MLLT6: variants seen among roughly 807,000 people sequenced by gnomAD.
MLLT6 encodes the protein protein AF-17.
A neutral mutation model predicts 103.0 loss-of-function variants in MLLT6; 22 were observed. That is an observed-to-expected ratio of 0.21 (90% CI 0.15 to 0.31). The LOEUF is 0.31. Ranked by LOEUF, MLLT6 falls within the 10% of genes least tolerant of loss-of-function variation. The probability of loss-of-function intolerance (pLI) is 1.00; values close to 1 mark genes in which losing one functional copy is unlikely to be tolerated. For missense variants in MLLT6, 1,199 were observed against 1,441.7 expected, an observed-to-expected ratio of 0.83 and a Z score of 2.73; for synonymous variants, 606 against 623.5, an observed-to-expected ratio of 0.97 and a Z score of 0.42.
chr17:38,716,813 G>T lies in MLLT6; in HGVS notation c.1483G>T (p.Ala495Ser). 6.2e-7 allele frequency: 1 copy of T among 1,612,076 alleles called. No individual in the cohort carries two copies. Among genetic ancestry groups the T allele is most frequent in the Non-Finnish European group, 8.5e-7 (1 of 1,179,058 alleles). Residue 495 changes from alanine to serine, a missense_variant, in exon 10 of 20, where the codon GCC (alanine) becomes TCC (serine). Ala to Ser is a moderately conservative substitution (Grantham distance 99, BLOSUM62 1). This residue lies in a region of MLLT6 where 1,034 missense variants were observed against 1,091.5 expected (regional missense o/e 0.95). Coordinates refer to ENST00000621332, the MANE Select transcript of MLLT6 (RefSeq NM_005937.4). The surrounding 1 kb of genome is among the most constrained non-coding windows in gnomAD (Gnocchi z 5.6). ...RNKEGTGGPA[A>S]PSLPSAQLAG... ...CAAGGAGGGCACTGGGGGCCCAGCT[G>T]CCCCATCCTTGCCCAGTGCCCAGCT... is the stretch of plus-strand genomic sequence containing the variant.
chr17:38,718,489 A>C (rs754212270), intron 12 of MLLT6: 1 of 152,350 alleles, frequency 6.6e-6, no homozygotes, highest in African/African-American at 2.4e-5. Flanking sequence ...AAATCCACAC[A>C]CAGCAAACCA....
chr17:38,707,925 C>T (rs1480379401), intron 4 of MLLT6, 53 bp downstream of exon 4: 13 of 1,072,162 alleles, frequency 1.2e-5, no homozygotes, highest in Non-Finnish European at 1.0e-5. Flanking sequence ...CTATGGGTTC[C>T]TCCAACGCTC....
rs753868011 is a variant in MLLT6, at chr17:38,707,047, C to G, written c.189+18C>G. The G allele has an allele frequency of 1.3e-6, 2 of 1,599,938 alleles. No individual in the cohort carries two copies. The highest frequency in any genetic ancestry group is 2.2e-5 in the South Asian group (2 of 90,482). ...CCAGGGTGGTGAGTTCCAGACTGCC[C>G]CTCTCCACTCCCCTGCCCCTCCCAC... On this transcript the variant is annotated intron_variant, in intron 2 of 19. Transcript: ENST00000621332.
At chr17:38,718,975 A>G (rs1188996282) in intron 12 of MLLT6, 3 of 169,024 alleles carry the variant, frequency 1.8e-5, no homozygotes, top group Admixed American at 6.4e-5. Context: ...GGCCCAAGGA[A>G]GAGTTTTAGT....
chr17:38,729,795 AT>A, downstream of MLLT6: 1 of 181,784 alleles, frequency 5.5e-6, no homozygotes. Context: ...AAAAAAAAAA[AT>A]CCGAAGAGCC....
Position 38,716,507 on chromosome 17 carries a change from C to A in MLLT6, c.1177C>A (p.Leu393Ile). ...AGCTCCCGAGCCCCCCAAGGCTGAC[C>A]TTTTTGAGCAGAAGGTGGTCTTCTC... ...PSAPEPPKAD[L>I]FEQKVVFSGF... Residue 393 changes from leucine (L) to isoleucine (I), a missense_variant, in exon 10 of 20, where the codon CTT (leucine) becomes ATT (isoleucine). Physicochemically the swap from Leu to Ile is conservative, Grantham distance 5. This residue lies in a region of MLLT6 where 1,034 missense variants were observed against 1,091.5 expected (regional missense o/e 0.95). Transcript: ENST00000621332. The surrounding 1 kb of genome is among the most constrained non-coding windows in gnomAD (Gnocchi z 5.6). 3 of 1,614,202 alleles carry A rather than the reference C, an allele frequency of 1.9e-6. No homozygotes were observed. Among genetic ancestry groups the A allele is most frequent in the South Asian group, 1.1e-5 (1 of 91,084 alleles).
In MLLT6 at chr17:38,728,277, A is replaced by G. The variant is rs1457502769; in HGVS notation, c.*2679A>G. Reference sequence around the variant, plus strand: ...AAGCTTCAGGAGGAGCAGAATACCAACGCAGGGGGATGGCTGTAACGATCT... The same window carrying G: ...AAGCTTCAGGAGGAGCAGAATACCAGCGCAGGGGGATGGCTGTAACGATCT... On this transcript the variant is annotated 3_prime_UTR_variant, in exon 20 of 20. Coordinates refer to ENST00000621332, the MANE Select transcript of MLLT6 (RefSeq NM_005937.4). 8.6e-6 allele frequency: 2 copies of G among 233,216 alleles called. No individual in the cohort carries two copies. Among genetic ancestry groups the G allele is most frequent in the African/African-American group, 4.4e-5 (2 of 45,340 alleles). 14.4% of individuals were successfully genotyped at this position (233,216 alleles called of 1,614,324 possible).
chr17:38,705,440 G>A lies in MLLT6; in HGVS notation c.-193G>A, dbSNP rs1215112768. The stretch of plus-strand genomic sequence containing the variant: ...GCACGGCGGGGGGGGCGGCCAGACA[G>A]AGCGAGCGAGGAGGAGGAGGAGGAG... On this transcript the variant is annotated 5_prime_UTR_variant, in exon 1 of 20. Transcript: ENST00000621332. 2 of 416,418 alleles carry A rather than the reference G, an allele frequency of 4.8e-6. No homozygotes were observed. Among genetic ancestry groups the A allele is most frequent in the African/African-American group, 2.1e-5 (1 of 46,658 alleles). 25.8% of individuals were successfully genotyped at this position (416,418 alleles called of 1,614,324 possible). A position where few individuals can be genotyped will look rare whatever the true frequency, so the allele number is the denominator to read the frequency against.
chr17:38,727,748 TTGTGCCAC>T lies in MLLT6; in HGVS notation c.*2153_*2160del, dbSNP rs1209013665. ...AGGCTGAGGCTGCAGTGAGCCAAGA[TTGTGCCAC>T]TGCACTCCAGCCTGTGTGAGAGAGT... On this transcript the variant is annotated 3_prime_UTR_variant, in exon 20 of 20. Transcript: ENST00000621332. The T allele has an allele frequency of 4.7e-6, 1 of 213,738 alleles. No homozygotes were observed. Among genetic ancestry groups the T allele is most frequent in the African/African-American group, 2.3e-5 (1 of 44,252 alleles). The allele number at this position is 213,738 out of a possible 1,614,324, so 13.2% of individuals were successfully genotyped here. A position where few individuals can be genotyped will look rare whatever the true frequency, so the allele number is the denominator to read the frequency against.
intron 18 of MLLT6, 150 bp downstream of exon 18, chr17:38,722,918 T>A (rs942562256): frequency 1.5e-6 from 1 of 649,618 alleles, no homozygotes; most frequent in Non-Finnish European, 2.8e-6. Context: ...CTGGGCCCTG[T>A]GGAGCATCCA....
At position 38,722,081 on chromosome 17, in the gene MLLT6, G is replaced by C; in HGVS notation, c.2646G>C (p.Glu882Asp). The change falls in exon 17 of 20, where the codon GAG becomes GAC. Residue 882 changes from glutamate to aspartate, a missense_variant. Glu to Asp is a conservative substitution (Grantham distance 45, BLOSUM62 2). This residue lies in a region of MLLT6 where 1,034 missense variants were observed against 1,091.5 expected (regional missense o/e 0.95). Transcript: ENST00000621332. ...AAGLGAMPMA[E>D]GLLGGLAGSG... ...GGCTGGGGGCCATGCCCATGGCTGA[G>C]GGGCTGTTGGGGGGGCTGGCAGGCA... 1 of 1,373,866 alleles carries C rather than the reference G, an allele frequency of 7.3e-7. No homozygotes were observed. The highest frequency in any genetic ancestry group is 3.0e-5 in the East Asian group (1 of 33,198). 85.1% of individuals were successfully genotyped at this position (1,373,866 alleles called of 1,614,324 possible). A position where few individuals can be genotyped will look rare whatever the true frequency, so the allele number is the denominator to read the frequency against.
At chr17:38,720,300 G>GCCCCCCCCCCCCGGCCCCAGGGCCCCCCC in intron 14 of MLLT6, 72 bp from the exon 15 acceptor site, 1 of 726,392 alleles carries the variant, frequency 1.4e-6, no homozygotes, top group Non-Finnish European at 2.2e-6. Flanking sequence ...TCCCCTCCAG[G>GCCCCCCCCCCCCGGCCCCAGGGCCCCCCC]CCCCGCCCCC....
At chr17:38,710,263 G>T (rs1191921446) in intron 6 of MLLT6, among the ~76,000 whole-genome samples, 1 of 152,150 alleles carries the variant, frequency 6.6e-6, no homozygotes, top group Non-Finnish European at 1.5e-5. Flanking sequence ...GCTTGCCTCT[G>T]CCCCAGGCTT....
Position 38,709,684 on chromosome 17 carries a change from G to GA in MLLT6, c.552+115dup. Reference sequence around the variant, plus strand: ...GCCTGGTGCTAGGAGGACAGAGAGGGAAAAAACCCAGTCCCTGCCCAAGAG... The same window carrying GA: ...GCCTGGTGCTAGGAGGACAGAGAGGGAAAAAAACCCAGTCCCTGCCCAAGAG... On this transcript the variant is annotated intron_variant, in intron 6 of 19. Transcript: ENST00000621332. This position sits in a 1 kb window ranked among gnomAD's most constrained non-coding sequence, Gnocchi z 4.3. 1 of 810,564 alleles carries GA rather than the reference G, an allele frequency of 1.2e-6. No individual in the cohort carries two copies. The allele number at this position is 810,564 out of a possible 1,614,324, so 50.2% of individuals were successfully genotyped here.
Position 38,716,947 on chromosome 17 carries a change from C to G in MLLT6, c.1617C>G (p.Pro539=). The G allele has an allele frequency of 6.2e-7, 1 of 1,613,746 alleles. No homozygotes were observed. The highest frequency in any genetic ancestry group is 8.5e-7 in the Non-Finnish European group (1 of 1,179,990). The change falls in exon 10 of 20, where the codon CCC becomes CCG. Residue 539 remains proline, a synonymous_variant. Transcript: ENST00000621332. The surrounding 1 kb of genome is among the most constrained non-coding windows in gnomAD (Gnocchi z 5.6). ...CCTTTGGGCCTTCTGGGAGCTTGCC[C>G]AGCTTGAGCCTGGAGTCCCCCTTAC... The part of the protein sequence containing the change: ...SRTFGPSGSL[P]SLSLESPLLG...
At position 38,725,687 on chromosome 17, in the gene MLLT6, G is replaced by C. The variant is rs1031896923; in HGVS notation, c.*89G>C. The C allele has an allele frequency of 3.5e-6, 4 of 1,148,590 alleles. No individual in the cohort carries two copies. In the Admixed American group the frequency reaches 8.5e-5, roughly 24 times the overall value. 71.1% of individuals were successfully genotyped at this position (1,148,590 alleles called of 1,614,324 possible). On this transcript the variant is annotated 3_prime_UTR_variant, in exon 20 of 20. Transcript: ENST00000621332. ...AGCCTGGAGCAGGCGCCTGCGCCCA[G>C]ACCCTGGAGAGCCTTGACCCAGAGC...
intron 12 of MLLT6, 93 bp from the exon 13 acceptor site, chr17:38,719,424 C>T: frequency 3.7e-6 from 4 of 1,088,386 alleles, no homozygotes; most frequent in Non-Finnish European, 4.1e-6. Flanking sequence ...AAGGGATCTG[C>T]GGTGAGGTCC....
Position 38,709,309 on chromosome 17 carries a change from G to A in MLLT6, c.458+33G>A. ...CCCTGTCCCACCCCCCTGCCCCCCG[G>A]GTTTGTCCTGGATGGCCACTGATCA... On this transcript the variant is annotated intron_variant, in intron 5 of 19. Coordinates refer to ENST00000621332, the MANE Select transcript of MLLT6 (RefSeq NM_005937.4). This position sits in a 1 kb window ranked among gnomAD's most constrained non-coding sequence, Gnocchi z 4.3. 6.4e-7 allele frequency: 1 copy of A among 1,571,038 alleles called. No homozygotes were observed. The highest frequency in any genetic ancestry group is 2.2e-5 in the East Asian group (1 of 44,674).
intron 8 of MLLT6, chr17:38,713,447 C>G (rs1338944092): frequency 9.6e-5 from 21 of 219,416 alleles, no homozygotes. Flanking sequence ...GGGAGGAGAA[C>G]CTGGTAGGGT....
Sources: gnomAD v4.1 joint callset for allele counts (sites outside exome capture counted in the v4.1 genomes callset) on GRCh38, gnomAD v4.1.1 for gene constraint, gnomAD v4.1.1 regional missense constraint, Gnocchi (gnomAD v3.1) non-coding constraint, MANE v1.5 for transcripts, NCBI Gene and HGNC (gene_info 2026-07-23, HGNC 2026-07-21) for gene names.